The following BRCA2 variants were observed in gnomAD, a reference collection of about 807,000 sequenced individuals.
BRCA2 encodes the protein BRCA2 DNA repair associated.
Under a neutral mutation model 276.7 loss-of-function variants are expected in BRCA2, and 203 were observed. The ratio of observed to expected loss-of-function variants is 0.73; its 90% CI spans 0.65 to 0.82. The LOEUF is 0.82. BRCA2 is among the 40% of genes least tolerant of loss of function. The probability of loss-of-function intolerance (pLI) is 0.00; values close to 1 mark genes in which losing one functional copy is unlikely to be tolerated. For missense variants in BRCA2, 3,920 were observed against 3,915.0 expected, an observed-to-expected ratio of 1.00 and a Z score of -0.03; for synonymous variants, 1,289 against 1,338.4, an observed-to-expected ratio of 0.96 and a Z score of 0.81.
intron 15 of BRCA2, among the ~76,000 whole-genome samples, 156 bp downstream of exon 15, chr13:32,356,765 A>AGCCTCTGGCCCCTTGCTAGGCCT (rs1230566097): frequency 1.3e-5 from 2 of 152,256 alleles, no homozygotes; most frequent in Non-Finnish European, 2.9e-5. Context: ...CTGCAGTGGC[A>AGCCTCTGGCCCCTTGCTAGGCCT]GCCTCTGGCC....
In BRCA2 at chr13:32,339,436, G is replaced by A. The variant is rs753721331; in HGVS notation, c.5081G>A (p.Arg1694Lys). 1 of 1,592,048 alleles carries A rather than the reference G, an allele frequency of 6.3e-7. No individual in the cohort carries two copies. Among genetic ancestry groups the A allele is most frequent in the South Asian group, 1.2e-5 (1 of 86,650 alleles). The change falls in exon 11 of 27, where the codon AGA becomes AAA. Residue 1694 changes from arginine (R) to lysine (K), a missense_variant. Around this residue, in one of 2 missense-constraint regions of BRCA2, gnomAD observed 3,263 missense variants for 3,156.9 expected, o/e 1.03. Transcript: ENST00000380152. ...TSLLEAKKWL[R>K]EGIFDGQPER... is the part of the protein sequence containing the mutation. Reference sequence around the variant, plus strand: ...TTACTTGAAGCAAAAAAATGGCTTAGAGAAGGAATATTTGATGGTCAACCA... The same window carrying A: ...TTACTTGAAGCAAAAAAATGGCTTAAAGAAGGAATATTTGATGGTCAACCA...
At chr13:32,371,230 A>T in intron 20 of BRCA2, 130 bp downstream of exon 20, 1 of 938,568 alleles carries the variant, frequency 1.1e-6, no homozygotes, top group Non-Finnish European at 1.6e-6. Flanking sequence ...ATTTTTTAGT[A>T]TCTAGGGTAT....
rs80359045 is a variant in BRCA2, at chr13:32,363,265, T to C, written c.8063T>C (p.Leu2688Pro). ...GACACAGCTGCAAAAACACTTGTTC[T>C]CTGTGTTTCTGACATAATTTCATTG... Reference protein sequence around the residue: ...RDDTAAKTLVLCVSDIISLSA... With the variant: ...RDDTAAKTLVPCVSDIISLSA... Residue 2688 changes from leucine to proline, a missense_variant, in exon 18 of 27, where the codon CTC becomes CCC. Physicochemically the swap from Leu to Pro is moderately conservative, Grantham distance 98 (BLOSUM62 -3). Coordinates refer to ENST00000380152, the MANE Select transcript of BRCA2 (RefSeq NM_000059.4). 2 of 1,614,060 alleles carry C rather than the reference T, an allele frequency of 1.2e-6. No homozygotes were observed. The highest frequency in any genetic ancestry group is 1.7e-6 in the Non-Finnish European group (2 of 1,180,020).
rs886038198 is a variant in BRCA2 at position 32,316,500 on chromosome 13, A to G, written c.40A>G (p.Ile14Val). The G allele has an allele frequency of 6.2e-7, 1 of 1,613,978 alleles. No individual in the cohort carries two copies. Reference protein sequence around the residue: ...GSKERPTFFEIFKTRCNKADL... With the variant: ...GSKERPTFFEVFKTRCNKADL... Reference sequence around the variant, plus strand: ...CAAAGAGAGGCCAACATTTTTTGAAATTTTTAAGACACGCTGCAACAAAGC... The same window carrying G: ...CAAAGAGAGGCCAACATTTTTTGAAGTTTTTAAGACACGCTGCAACAAAGC... The change falls in exon 2 of 27, where the codon ATT becomes GTT. Residue 14 changes from isoleucine (I) to valine (V), a missense_variant. Ile to Val is a conservative substitution (Grantham distance 29). Coordinates refer to ENST00000380152, the MANE Select transcript of BRCA2 (RefSeq NM_000059.4).
At chr13:32,383,207 A>G (rs2072936349) in intron 24 of BRCA2, among the ~76,000 whole-genome samples, 1 of 152,106 alleles carries the variant, frequency 6.6e-6, no homozygotes, top group East Asian at 1.9e-4. Flanking sequence ...AAAAATACAA[A>G]AAATTAGCCG....
intron 9 of BRCA2, 118 bp from the exon 10 acceptor site, chr13:32,332,154 C>T: frequency 1.0e-6 from 1 of 1,004,342 alleles, no homozygotes; most frequent in Non-Finnish European, 1.4e-6. Flanking sequence ...CCTTTAAATA[C>T]TGATATGTAA....
chr13:32,362,067 G>T (rs1366026482), intron 16 of BRCA2, among the ~76,000 whole-genome samples: 1 of 152,136 alleles, frequency 6.6e-6, no homozygotes, highest in East Asian at 1.9e-4. Flanking sequence ...CTCTTGTCCA[G>T]GCTGGAGTGC....
At chr13:32,374,493 T>C (rs1354214876) in intron 20 of BRCA2, among the ~76,000 whole-genome samples, 1 of 152,228 alleles carries the variant, frequency 6.6e-6, no homozygotes, top group Admixed American at 6.5e-5. Context: ...CCTTGAACAC[T>C]CTGCTGCTTA....
intron 18 of BRCA2, among the ~76,000 whole-genome samples, chr13:32,368,308 G>A (rs1275938253): frequency 6.6e-6 from 1 of 151,778 alleles, no homozygotes; most frequent in Non-Finnish European, 1.5e-5. Flanking sequence ...GCTTGAGCCT[G>A]TAAATCCAGA....
chr13:32,333,175 C>G lies in BRCA2; in HGVS notation c.1697C>G (p.Thr566Ser), dbSNP rs762559804. The G allele has an allele frequency of 6.2e-7, 1 of 1,613,972 alleles. No homozygotes were observed. Among genetic ancestry groups the G allele is most frequent in the South Asian group, 1.1e-5 (1 of 91,038 alleles). ...ATTGATAATGGAAGCTGGCCAGCCA[C>G]CACCACACAGAATTCTGTAGCTTTG... is the stretch of plus-strand genomic sequence containing the variant. ...NLIDNGSWPA[T>S]TTQNSVALKN... Residue 566 changes from threonine (T) to serine (S), a missense_variant, in exon 10 of 27, where the codon ACC becomes AGC. By Grantham distance (58) the Thr-to-Ser change is moderately conservative. Coordinates refer to ENST00000380152, the MANE Select transcript of BRCA2 (RefSeq NM_000059.4).
chr13:32,346,949 G>A lies in BRCA2; in HGVS notation c.7007+53G>A, dbSNP rs56014558. ...TCTAATACAGTATGAGAAAAGTCTC[G>A]TTTTTATAAATGAACATTTCTAAAA... is the stretch of plus-strand genomic sequence containing the variant. On this transcript the variant is annotated intron_variant, in intron 13 of 26. Transcript: ENST00000380152. 1.2e-4 allele frequency: 169 copies of A among 1,375,538 alleles called. No individual in the cohort carries two copies. In the African/African-American group the frequency reaches 1.9e-3, roughly 16 times the overall value. 85.2% of individuals were successfully genotyped at this position (1,375,538 alleles called of 1,614,324 possible).
chr13:32,370,935 G>T, intron 19 of BRCA2, 21 bp from the exon 20 acceptor site: 4 of 1,613,650 alleles, frequency 2.5e-6, no homozygotes, highest in Non-Finnish European at 3.4e-6. Flanking sequence ...CTTTTTTGGT[G>T]TGTGTAACAC....
At position 32,337,770 on chromosome 13, in the gene BRCA2, A is replaced by G. The variant is rs747903103; in HGVS notation, c.3415A>G (p.Lys1139Glu). 1 of 1,614,070 alleles carries G rather than the reference A, an allele frequency of 6.2e-7. No homozygotes were observed. Among genetic ancestry groups the G allele is most frequent in the East Asian group, 2.2e-5 (1 of 44,882 alleles). ...TAGAAAACCAAGCTACATATTGCAG[A>G]AGAGTACATTTGAAGTGCCTGAAAA... Reference protein sequence around the residue: ...QFRKPSYILQKSTFEVPENQM... With the variant: ...QFRKPSYILQESTFEVPENQM... Residue 1139 changes from lysine (K) to glutamate (E), a missense_variant, in exon 11 of 27, where the codon AAG becomes GAG. Coordinates refer to ENST00000380152, the MANE Select transcript of BRCA2 (RefSeq NM_000059.4).
chr13:32,399,747 A>T lies in BRCA2; in HGVS notation c.*977A>T. The T allele has an allele frequency of 6.3e-6, 1 of 159,552 alleles. No individual in the cohort carries two copies. Among genetic ancestry groups the T allele is most frequent in the Non-Finnish European group, 1.4e-5 (1 of 72,688 alleles). 9.9% of individuals were successfully genotyped at this position (159,552 alleles called of 1,614,324 possible). A position where few individuals can be genotyped will look rare whatever the true frequency, so the allele number is the denominator to read the frequency against. ...TTTAAACTTACCACAAAAGCAGAAG[A>T]TTAATTCAATTTAAGATGATACTCT... is the stretch of plus-strand genomic sequence containing the variant. On this transcript the variant is annotated 3_prime_UTR_variant, in exon 27 of 27. Transcript: ENST00000380152.
At position 32,339,872 on chromosome 13, in the gene BRCA2, A is replaced by G. The variant is rs2137518202; in HGVS notation, c.5517A>G (p.Val1839=). 6.2e-7 allele frequency: 1 copy of G among 1,612,734 alleles called. No individual in the cohort carries two copies. Among genetic ancestry groups the G allele is most frequent in the Non-Finnish European group, 8.5e-7 (1 of 1,179,242 alleles). ...LSISNSNNFE[V]GPPAFRIASG... Reference sequence around the variant, plus strand: ...TATCTAATAGTAATAATTTTGAGGTAGGGCCACCTGCATTTAGGATAGCCA... The same window carrying G: ...TATCTAATAGTAATAATTTTGAGGTGGGGCCACCTGCATTTAGGATAGCCA... Residue 1839 remains valine, a synonymous_variant, in exon 11 of 27, where the codon GTA becomes GTG. Coordinates refer to ENST00000380152, the MANE Select transcript of BRCA2 (RefSeq NM_000059.4).
intron 13 of BRCA2, among the ~76,000 whole-genome samples, chr13:32,354,519 G>A (rs2072673476): frequency 6.6e-6 from 1 of 152,172 alleles, no homozygotes; most frequent in African/African-American, 2.4e-5. Flanking sequence ...ATTAGGCGGA[G>A]TAGAGAGTTC....
At chr13:32,396,745 G>A (rs1448706620) in intron 25 of BRCA2, 153 bp from the exon 26 acceptor site, 2 of 882,776 alleles carry the variant, frequency 2.3e-6, no homozygotes, top group African/African-American at 1.7e-5. Context: ...TTGTAATTTT[G>A]CATCGGCATG....
At chr13:32,363,043 C>T in intron 17 of BRCA2, 136 bp from the exon 18 acceptor site, 1 of 789,126 alleles carries the variant, frequency 1.3e-6, no homozygotes, top group Non-Finnish European at 2.0e-6. Context: ...CAATATATTC[C>T]TAGCTACAAA....
intron 24 of BRCA2, among the ~76,000 whole-genome samples, chr13:32,381,486 G>T (rs1187205748): frequency 6.6e-6 from 1 of 152,136 alleles, no homozygotes; most frequent in South Asian, 2.1e-4. Context: ...TTGAGGGAGT[G>T]AGGTGAGGCA....
Sources: gnomAD v4.1 joint callset for allele counts (sites outside exome capture counted in the v4.1 genomes callset) on GRCh38, gnomAD v4.1.1 for gene constraint, gnomAD v4.1.1 regional missense constraint, MANE v1.5 for transcripts, NCBI Gene and HGNC (gene_info 2026-07-23, HGNC 2026-07-21) for gene names.